Variants in NEBL observed in about 807,000 individuals in gnomAD.
NEBL encodes LIM and SH3 protein 2.
A neutral mutation model predicts 140.2 loss-of-function variants in NEBL; 122 were observed. The ratio of observed to expected loss-of-function variants is 0.87; its 90% CI spans 0.75 to 1.01. NEBL has a LOEUF of 1.01. NEBL is among the 50% of genes least tolerant of loss of function. NEBL has a pLI of 0.00. For missense variants in NEBL, 1,365 were observed against 1,231.3 expected (o/e 1.11, Z -1.62); for synonymous variants, 436 against 398.9 (o/e 1.09, Z -1.11).
At chr10:20,812,256 A>G (rs1408024022) in intron 24 of NEBL, among the ~76,000 whole-genome samples, 4 of 152,120 alleles carry the variant, frequency 2.6e-5, no homozygotes, top group African/African-American at 9.7e-5. Context: ...AAAACAAAGT[A>G]ATTGTTCAAC....
intron 1 of NEBL, among the ~76,000 whole-genome samples, chr10:21,281,163 G>T (rs532312713): frequency 3.9e-5 from 6 of 152,288 alleles, no homozygotes; most frequent in African/African-American, 1.4e-4. Context: ...GCTGTCAACA[G>T]GGATCTAGTG....
intron 1 of NEBL, among the ~76,000 whole-genome samples, chr10:21,268,159 A>C (rs1564552728): frequency 6.6e-6 from 1 of 152,188 alleles, no homozygotes; most frequent in East Asian, 1.9e-4. Context: ...AAGAGAGTGG[A>C]AACTACAAAA....
chr10:21,015,215 G>A (rs1487073136), intron 3 of NEBL, among the ~76,000 whole-genome samples: 1 of 152,146 alleles, frequency 6.6e-6, no homozygotes, highest in Non-Finnish European at 1.5e-5. Flanking sequence ...AAGGCTCTGG[G>A]GGTGGGAAGA....
chr10:21,176,292 C>A (rs974088936), upstream of NEBL, among the ~76,000 whole-genome samples: 2 of 152,194 alleles, frequency 1.3e-5, no homozygotes. Flanking sequence ...CATGTGGCAC[C>A]ACACCCAGAT....
At position 21,034,849 on chromosome 10, in the gene NEBL, G is replaced by T. The variant is rs976832793; in HGVS notation, c.165-14648C>A. On this transcript the variant is annotated intron_variant, in intron 2 of 6. Coordinates refer to the NEBL transcript ENST00000417816. ...CAGGGTACATGTGCAGGATGTGCAG[G>T]TTTGTTACACAGGTAAACATCTGCC... is the stretch of plus-strand genomic sequence containing the variant. 5.3e-5 allele frequency among the ~76,000 whole-genome samples: 8 copies of T among 152,074 alleles called. No individual in the cohort carries two copies. In the South Asian group the frequency reaches 1.7e-3, roughly 32 times the overall value.
chr10:21,067,859 G>A (rs1049541639), intron 2 of NEBL, among the ~76,000 whole-genome samples: 2 of 151,984 alleles, frequency 1.3e-5, no homozygotes, highest in African/African-American at 2.4e-5. Context: ...CGAACCTGTG[G>A]TTCCAGCTAC....
chr10:21,167,214 G>A (rs932633004), intron 2 of NEBL, among the ~76,000 whole-genome samples: 3 of 152,152 alleles, frequency 2.0e-5, no homozygotes, highest in South Asian at 2.1e-4. Flanking sequence ...AACACTCAGC[G>A]CCTGCTGTTT....
Position 20,940,813 on chromosome 10 carries a change from C to T in NEBL, c.357+20859G>A, listed in dbSNP as rs192574842. Among the ~76,000 whole-genome samples the T allele has an allele frequency of 5.5e-4, 84 of 152,166 alleles. 1 individual carries two copies. The East Asian group carries it at 0.01, about 19-fold the overall frequency. Reference sequence around the variant, plus strand: ...TCAGAGAATACTATAAACACCTCTACGCAAATAAACTAGAAAATCTAGAAG... The same window carrying T: ...TCAGAGAATACTATAAACACCTCTATGCAAATAAACTAGAAAATCTAGAAG... On this transcript the variant is annotated intron_variant, in intron 4 of 6. Transcript: ENST00000417816.
intron 3 of NEBL, among the ~76,000 whole-genome samples, chr10:21,000,562 G>A (rs957198837): frequency 2.6e-5 from 4 of 152,102 alleles, no homozygotes; most frequent in African/African-American, 9.7e-5. Context: ...CAGGAGACCA[G>A]CCTTTGCAAA....
At position 21,159,678 on chromosome 10, in the gene NEBL, C is replaced by G. The variant is rs1840475621; in HGVS notation, c.164+12705G>C. ...CATGGTCTGCCATGCAGCGGGGCCA[C>G]CTGTTTCCCTTCTTTTCCTTCTCAC... On this transcript the variant is annotated intron_variant, in intron 2 of 6. Transcript: ENST00000417816. Among the ~76,000 whole-genome samples the G allele has an allele frequency of 2.0e-5, 3 of 152,194 alleles. 1 individual carries two copies. The highest frequency in any genetic ancestry group is 2.0e-4 in the Admixed American group (3 of 15,280).
intron 2 of NEBL, among the ~76,000 whole-genome samples, chr10:21,055,940 C>A (rs1387628142): frequency 6.6e-6 from 1 of 152,220 alleles, no homozygotes; most frequent in African/African-American, 2.4e-5. Flanking sequence ...TGCCCTGAGG[C>A]TACACGGGCA....
intron 2 of NEBL, among the ~76,000 whole-genome samples, chr10:21,074,226 C>G (rs1043207042): frequency 8.5e-5 from 13 of 152,194 alleles, no homozygotes; most frequent in Non-Finnish European, 1.8e-4. Flanking sequence ...TGTGCCTCAG[C>G]ATGAACTTCT....
intron 5 of NEBL, among the ~76,000 whole-genome samples, chr10:20,873,848 T>C (rs1050590191): frequency 6.6e-6 from 1 of 152,156 alleles, no homozygotes; most frequent in Non-Finnish European, 1.5e-5. Context: ...CATAACAAAA[T>C]GTCAGTCTTT....
chr10:20,836,396 T>C (rs537337069), intron 13 of NEBL, among the ~76,000 whole-genome samples: 8 of 152,242 alleles, frequency 5.3e-5, no homozygotes, highest in African/African-American at 1.9e-4. Context: ...CTAATTTTTG[T>C]ATTTTTAGTA....
At chr10:20,899,377 C>A, upstream of NEBL, 3 of 1,301,832 alleles carry the variant, frequency 2.3e-6, no homozygotes, top group Non-Finnish European at 3.0e-6. Flanking sequence ...AGGTGAATTA[C>A]CTTCATCAGG....
chr10:20,997,995 C>A (rs1399315122), intron 3 of NEBL, among the ~76,000 whole-genome samples: 1 of 151,594 alleles, frequency 6.6e-6, no homozygotes, highest in Non-Finnish European at 1.5e-5. Flanking sequence ...TCAAATGGAG[C>A]CAAAAAATAA....
chr10:21,104,130 T>C (rs546298203), intron 2 of NEBL, among the ~76,000 whole-genome samples: 4 of 152,322 alleles, frequency 2.6e-5, no homozygotes, highest in Admixed American at 1.3e-4. Context: ...ATCTTCTACC[T>C]GTATGATATT....
At chr10:20,966,733 A>G (rs1836332628) in intron 3 of NEBL, among the ~76,000 whole-genome samples, 2 of 152,232 alleles carry the variant, frequency 1.3e-5, no homozygotes, top group African/African-American at 4.8e-5. Flanking sequence ...GGCAAATGGA[A>G]TTATTTACTA....
At chr10:20,804,679 C>A (rs1175470337) in intron 26 of NEBL, 1 of 152,124 alleles carries the variant, frequency 6.6e-6, no homozygotes, top group Admixed American at 6.6e-5. Flanking sequence ...TAGGGGGAAG[C>A]ATTCTTGGAA....
Sources: allele counts gnomAD v4.1 joint callset (sites outside exome capture counted in the v4.1 genomes callset), GRCh38; gene constraint gnomAD v4.1.1; transcripts MANE v1.5; gene names NCBI Gene and HGNC (gene_info 2026-07-23, HGNC 2026-07-21).